The following OSBPL6 variants were observed in gnomAD, a reference collection of about 807,000 sequenced individuals.
OSBPL6 encodes oxysterol binding protein like 6, also known as oxysterol-binding protein-related protein 6.
A neutral mutation model predicts 125.8 loss-of-function variants in OSBPL6; 49 were observed. That is an observed-to-expected ratio of 0.39 (90% confidence interval 0.31 to 0.49). The LOEUF is 0.49. Ranked by LOEUF, OSBPL6 falls within the 20% of genes least tolerant of loss-of-function variation. OSBPL6 has a pLI of 0.88. For missense variants in OSBPL6, 986 were observed against 1,135.4 expected (o/e 0.87, Z 1.89); for synonymous variants, 394 against 391.8 (o/e 1.01, Z -0.07).
chr2:178,357,694 G>C (rs989898055), intron 12 of OSBPL6, among the ~76,000 whole-genome samples: 2 of 152,174 alleles, frequency 1.3e-5, no homozygotes, highest in African/African-American at 4.8e-5. Context: ...CAAGGATCTA[G>C]AACTAGAAAT....
At chr2:178,317,498 T>A (rs1687862710) in intron 3 of OSBPL6, among the ~76,000 whole-genome samples, 1 of 141,022 alleles carries the variant, frequency 7.1e-6, no homozygotes, top group African/African-American at 2.6e-5. Flanking sequence ...TATTCATTCA[T>A]TCAGCAAACA....
At chr2:178,281,004 T>A (rs914971748) in intron 1 of OSBPL6, among the ~76,000 whole-genome samples, 1 of 139,686 alleles carries the variant, frequency 7.2e-6, no homozygotes, top group Non-Finnish European at 1.5e-5. Context: ...TTGCAATTGC[T>A]TTTGACTTTT....
intron 13 of OSBPL6, among the ~76,000 whole-genome samples, chr2:178,363,957 T>A (rs1207987426): frequency 6.6e-6 from 1 of 152,242 alleles, no homozygotes; most frequent in East Asian, 1.9e-4. Context: ...TCCCCGTGTG[T>A]GTCCATGCCT....
intron 9 of OSBPL6, among the ~76,000 whole-genome samples, chr2:178,336,970 G>T: frequency 6.6e-6 from 1 of 152,170 alleles, no homozygotes; most frequent in East Asian, 1.9e-4. Context: ...ACCTGTTAGT[G>T]TGCTCCACTG....
At chr2:178,262,833 A>G (rs748576903) in intron 1 of OSBPL6, among the ~76,000 whole-genome samples, 3 of 152,222 alleles carry the variant, frequency 2.0e-5, no homozygotes, top group Non-Finnish European at 4.4e-5. Flanking sequence ...ATTAATATAT[A>G]TAGATCTCCT....
At chr2:178,251,240 A>G (rs927679231) in intron 1 of OSBPL6, among the ~76,000 whole-genome samples, 2 of 152,144 alleles carry the variant, frequency 1.3e-5, no homozygotes, top group Non-Finnish European at 2.9e-5. Flanking sequence ...GAGAGCCCAC[A>G]GTGATCCCTA....
chr2:178,235,120 C>T (rs1203349466), intron 1 of OSBPL6, among the ~76,000 whole-genome samples: 2 of 152,174 alleles, frequency 1.3e-5, no homozygotes, highest in Non-Finnish European at 2.9e-5. Context: ...TATTACTTTT[C>T]TGGATCCCTT....
intron 3 of OSBPL6, among the ~76,000 whole-genome samples, chr2:178,310,926 A>C (rs1687215821): frequency 6.6e-6 from 1 of 152,010 alleles, no homozygotes; most frequent in Non-Finnish European, 1.5e-5. Context: ...GTCATTTCTC[A>C]CCTGGACTAT....
At chr2:178,244,322 T>C (rs906711390) in intron 1 of OSBPL6, among the ~76,000 whole-genome samples, 1 of 152,146 alleles carries the variant, frequency 6.6e-6, no homozygotes, top group Non-Finnish European at 1.5e-5. Context: ...TTATTTTTTC[T>C]CCTAATACCA....
At chr2:178,263,323 A>G (rs2092122253) in intron 1 of OSBPL6, among the ~76,000 whole-genome samples, 2 of 152,210 alleles carry the variant, frequency 1.3e-5, no homozygotes, top group South Asian at 2.1e-4. Flanking sequence ...TACTAAAAAT[A>G]CAAAATTAGC....
chr2:178,377,478 C>A (rs1693987875), intron 15 of OSBPL6, among the ~76,000 whole-genome samples: 1 of 152,192 alleles, frequency 6.6e-6, no homozygotes, highest in Non-Finnish European at 1.5e-5. Flanking sequence ...TGGATGGGGA[C>A]ACACATCCAA....
At chr2:178,365,190 TA>T (rs1692715307) in intron 13 of OSBPL6, among the ~76,000 whole-genome samples, 1 of 151,946 alleles carries the variant, frequency 6.6e-6, no homozygotes, top group African/African-American at 2.4e-5. Context: ...AATAAATAAA[TA>T]AAAAACTTAT....
intron 5 of OSBPL6, 67 bp from the exon 6 acceptor site, chr2:178,331,485 C>T: frequency 6.6e-7 from 1 of 1,509,166 alleles, no homozygotes; most frequent in Non-Finnish European, 9.2e-7. Context: ...AACATTAGAC[C>T]CACATTTGTG....
intron 2 of OSBPL6, among the ~76,000 whole-genome samples, chr2:178,288,237 G>A (rs1200225192): frequency 2.0e-5 from 3 of 152,122 alleles, no homozygotes; most frequent in African/African-American, 7.2e-5. Flanking sequence ...TGCTCAAGGA[G>A]CACCTAATCT....
At chr2:178,344,691 T>C (rs1690542204) in intron 11 of OSBPL6, among the ~76,000 whole-genome samples, 1 of 152,078 alleles carries the variant, frequency 6.6e-6, no homozygotes, top group South Asian at 2.1e-4. Flanking sequence ...TTGACCATAC[T>C]GATATTGGAA....
chr2:178,332,126 A>C (rs1486086337), intron 6 of OSBPL6, among the ~76,000 whole-genome samples: 1 of 152,104 alleles, frequency 6.6e-6, no homozygotes, highest in Non-Finnish European at 1.5e-5. Context: ...AAGTAACTGA[A>C]GGCTTAGGTT....
intron 3 of OSBPL6, 83 bp from the exon 4 acceptor site, chr2:178,324,094 T>G: frequency 1.2e-6 from 1 of 840,502 alleles, no homozygotes; most frequent in African/African-American, 1.7e-5. Flanking sequence ...GTTTTGACTG[T>G]GTTGTGTATG....
At chr2:178,341,107 G>T (rs758455824) in intron 11 of OSBPL6, among the ~76,000 whole-genome samples, 6 of 152,138 alleles carry the variant, frequency 3.9e-5, no homozygotes, top group South Asian at 2.1e-4. Flanking sequence ...GTAAGTAAAA[G>T]AATCATTCCT....
At chr2:178,354,473 G>A (rs1040402188) in intron 12 of OSBPL6, among the ~76,000 whole-genome samples, 1 of 152,086 alleles carries the variant, frequency 6.6e-6, no homozygotes, top group Non-Finnish European at 1.5e-5. Context: ...AGCCAACGAA[G>A]ATCAAAAGAG....
Sources: gnomAD v4.1 joint callset for allele counts (sites outside exome capture counted in the v4.1 genomes callset) on GRCh38, gnomAD v4.1.1 for gene constraint, MANE v1.5 for transcripts, NCBI Gene and HGNC (gene_info 2026-07-23, HGNC 2026-07-21) for gene names.